DGKH: variants seen among roughly 807,000 people sequenced by gnomAD.
DGKH encodes the protein diacylglycerol kinase eta.
DGKH carries 90 observed loss-of-function variants against 159.3 expected under a neutral mutation model. The ratio of observed to expected loss-of-function variants is 0.57; its 90% CI spans 0.48 to 0.67. The LOEUF (loss-of-function observed/expected upper bound fraction) is 0.67. Ranked by LOEUF, DGKH falls within the 30% of genes least tolerant of loss-of-function variation. The probability of loss-of-function intolerance (pLI) is 0.00; values close to 1 mark genes in which losing one functional copy is unlikely to be tolerated. For synonymous variants in DGKH, 536 were observed against 553.8 expected (o/e 0.97, Z 0.45); for missense variants, 1,181 against 1,506.1 (o/e 0.78, Z 3.57).
chr13:42,209,621 A>G (rs1257249797), intron 23 of DGKH, among the ~76,000 whole-genome samples, 156 bp downstream of exon 23: 1 of 152,202 alleles, frequency 6.6e-6, no homozygotes, highest in Non-Finnish European at 1.5e-5. Flanking sequence ...TATTTATTTC[A>G]GTAGGAGTTT....
In DGKH at chr13:42,168,724, C is replaced by T. The variant is rs1956369095; in HGVS notation, c.1273C>T (p.Arg425Ter). The T allele has an allele frequency of 4.3e-6, 7 of 1,614,122 alleles. No homozygotes were observed. The highest frequency in any genetic ancestry group is 5.9e-6 in the Non-Finnish European group (7 of 1,180,002). ...TTTGGGTACAGGAAATGACCTTGCC[C>T]GAGTTCTTGGCTGGGGAGGTTCATA... ...LPLGTGNDLARVLGWGGSYDD... is the reference protein window; with the variant it reads ...LPLGTGNDLA The change falls in exon 11 of 30, where the codon CGA becomes TGA. Residue 425 changes from arginine (R) to a stop codon, truncating the protein, a stop_gained. Coordinates refer to ENST00000337343, the MANE Select transcript of DGKH (RefSeq NM_178009.5). LOFTEE classifies it high-confidence loss of function.
intron 21 of DGKH, among the ~76,000 whole-genome samples, chr13:42,208,407 A>G (rs553923132): frequency 7.9e-5 from 12 of 152,244 alleles, no homozygotes; most frequent in East Asian, 7.7e-4. Flanking sequence ...TTCTATTTGC[A>G]TACTCTCAAG....
At position 42,139,097 on chromosome 13, in the gene DGKH, A is replaced by G. The variant is rs115950587; in HGVS notation, c.384+9465A>G. ...TCTTTTCCAAGACTAACCCAGAGAA[A>G]TAGCTCTTAAGGTTATTATTGGCTT... On this transcript the variant is annotated intron_variant, in intron 3 of 29. Transcript: ENST00000337343. Among the ~76,000 whole-genome samples the G allele has an allele frequency of 3.4e-3, 518 of 152,258 alleles. 5 individuals are homozygous for G. The highest frequency in any genetic ancestry group is 0.012 in the African/African-American group (499 of 41,558).
exon 31 of DGKH, chr13:42,256,392 C>T (rs878919733): frequency 6.3e-6 from 10 of 1,579,212 alleles, no homozygotes; most frequent in African/African-American, 2.7e-5. Flanking sequence ...CCTCGTATAG[C>T]GTATGACAAG....
At chr13:42,138,692 TTGAC>T (rs1404418480) in intron 3 of DGKH, among the ~76,000 whole-genome samples, 2 of 152,210 alleles carry the variant, frequency 1.3e-5, no homozygotes, top group Non-Finnish European at 2.9e-5. Context: ...ATGTAATGAC[TTGAC>T]TATTTTATAC....
chr13:42,222,489 T>G (rs1958003838), intron 29 of DGKH, among the ~76,000 whole-genome samples: 1 of 152,116 alleles, frequency 6.6e-6, no homozygotes, highest in South Asian at 2.1e-4. Context: ...AATAATTAAT[T>G]AATTACCTTA....
chr13:42,129,466 C>A, intron 2 of DGKH, 86 bp from the exon 3 acceptor site: 1 of 1,134,318 alleles, frequency 8.8e-7, no homozygotes. Context: ...ATTTTCTATT[C>A]CTAATTCCTG....
At chr13:42,249,520 C>T (rs1025431977) in intron 29 of DGKH, among the ~76,000 whole-genome samples, 4 of 152,144 alleles carry the variant, frequency 2.6e-5, no homozygotes, top group South Asian at 2.1e-4. Context: ...AAACTTTTTA[C>T]GTAAAGGGCC....
chr13:42,228,261 T>G (rs968430010), intron 29 of DGKH, among the ~76,000 whole-genome samples: 1 of 152,184 alleles, frequency 6.6e-6, no homozygotes, highest in Admixed American at 6.5e-5. Flanking sequence ...AGAAGTTTCT[T>G]TAAGAAGCAA....
rs564879904 is a variant in DGKH at position 42,083,216 on chromosome 13, AAAAAAC to A, written c.192+34265_192+34270del. On this transcript the variant is annotated intron_variant, in intron 1 of 29. Transcript: ENST00000337343. ...CAGCATTTTAAAATGTGTGTGAAGC[AAAAAAC>A]AAAAACAAAAACACAAAAAAAGAGG... Among the ~76,000 whole-genome samples the A allele has an allele frequency of 4.9e-4, 74 of 152,320 alleles. 1 individual carries two copies. In the South Asian group the frequency reaches 0.014, roughly 28 times the overall value.
chr13:42,205,997 T>A (rs756747627), intron 20 of DGKH, 42 bp from the exon 21 acceptor site: 2 of 1,251,674 alleles, frequency 1.6e-6, no homozygotes, highest in African/African-American at 3.1e-5. Flanking sequence ...TTCTGCTCTT[T>A]TTATCTAATC....
intron 13 of DGKH, among the ~76,000 whole-genome samples, chr13:42,182,778 A>T (rs759753721): frequency 1.3e-5 from 2 of 152,112 alleles, no homozygotes; most frequent in Non-Finnish European, 2.9e-5. Flanking sequence ...GCGCACATAT[A>T]ATCTTTTTAA....
chr13:42,111,047 G>A (rs749088736), intron 1 of DGKH, among the ~76,000 whole-genome samples: 2 of 151,650 alleles, frequency 1.3e-5, no homozygotes, highest in Non-Finnish European at 2.9e-5. Context: ...CATGCACCCC[G>A]GAACTTAAAA....
At chr13:42,220,017 C>T (rs1334188080) in intron 28 of DGKH, among the ~76,000 whole-genome samples, 1 of 152,158 alleles carries the variant, frequency 6.6e-6, no homozygotes, top group Non-Finnish European at 1.5e-5. Context: ...ACCTAAAACA[C>T]ATCTGAGTAT....
chr13:42,233,449 G>T lies in DGKH; in HGVS notation c.*4261G>T, dbSNP rs1958349024. ...ATTTTATCCTTCCTTAGCTATTAGG[G>T]ATGTGAGGTCCGAGGGCTTCAAAAG... On this transcript the variant is annotated 3_prime_UTR_variant, in exon 30 of 30. Transcript: ENST00000337343. The T allele has an allele frequency of 6.6e-6, 1 of 152,218 alleles. No individual in the cohort carries two copies. The highest frequency in any genetic ancestry group is 2.4e-5 in the African/African-American group (1 of 41,444). The allele number at this position is 152,218 out of a possible 1,614,324, so 9.4% of individuals were successfully genotyped here. A position where few individuals can be genotyped will look rare whatever the true frequency, so the allele number is the denominator to read the frequency against.
At chr13:42,198,137 A>G (rs1957248974) in intron 17 of DGKH, among the ~76,000 whole-genome samples, 1 of 152,146 alleles carries the variant, frequency 6.6e-6, no homozygotes, top group Non-Finnish European at 1.5e-5. Context: ...TAAATTCCTT[A>G]TAGACTTAAT....
intron 3 of DGKH, among the ~76,000 whole-genome samples, chr13:42,131,413 G>A (rs75878385): frequency 6.6e-6 from 1 of 152,168 alleles, no homozygotes; most frequent in Non-Finnish European, 1.5e-5. Flanking sequence ...GAATCAGAGC[G>A]CAGGTTAAGA....
intron 1 of DGKH, among the ~76,000 whole-genome samples, chr13:42,092,489 A>C (rs1954437946): frequency 6.6e-6 from 1 of 152,256 alleles, no homozygotes; most frequent in South Asian, 2.1e-4. Flanking sequence ...GGAATAAACC[A>C]AGGACAGAAA....
At chr13:42,065,384 A>G (rs902801797) in intron 1 of DGKH, among the ~76,000 whole-genome samples, 4 of 152,224 alleles carry the variant, frequency 2.6e-5, no homozygotes. Flanking sequence ...CTTCTACCTT[A>G]TCATCATTCA....
Sources: allele counts gnomAD v4.1 joint callset (sites outside exome capture counted in the v4.1 genomes callset), GRCh38; gene constraint gnomAD v4.1.1; transcripts MANE v1.5; gene names NCBI Gene and HGNC (gene_info 2026-07-23, HGNC 2026-07-21).